The following ITPRID2 variants were observed in gnomAD, a reference collection of about 807,000 sequenced individuals.
ITPRID2 encodes the protein protein ITPRID2.
A neutral mutation model predicts 124.3 loss-of-function variants in ITPRID2; 60 were observed. The ratio of observed to expected loss-of-function variants is 0.48; its 90% CI spans 0.39 to 0.60. The LOEUF (loss-of-function observed/expected upper bound fraction) is 0.60, where lower values mean the gene tolerates loss of function less well. Ranked by LOEUF, ITPRID2 falls within the 20% of genes least tolerant of loss-of-function variation. ITPRID2 has a pLI of 0.00. For missense variants in ITPRID2, 1,553 were observed against 1,512.2 expected (o/e 1.03, Z -0.45); for synonymous variants, 521 against 542.9 (o/e 0.96, Z 0.56).
In ITPRID2 at chr2:181,915,658, G is replaced by T; in HGVS notation, c.2018G>T (p.Cys673Phe). ...TCATTGGCTTCTATTGAAGCTAAAT[G>T]CAGTGATATGAGCTCTGAAAATACA... Reference protein sequence around the residue: ...LKSLASIEAKCSDMSSENTTG... With the variant: ...LKSLASIEAKFSDMSSENTTG... The change falls in exon 11 of 18, where the codon TGC becomes TTC. Residue 673 changes from cysteine to phenylalanine, a missense_variant. By Grantham distance (205) the Cys-to-Phe change is radical (BLOSUM62 -2). Transcript: ENST00000431877. 1 of 1,614,216 alleles carries T rather than the reference G, an allele frequency of 6.2e-7. No individual in the cohort carries two copies. Among genetic ancestry groups the T allele is most frequent in the South Asian group, 1.1e-5 (1 of 91,088 alleles).
At position 181,896,189 on chromosome 2, in the gene ITPRID2, A is replaced by G; in HGVS notation, c.307+110A>G. The G allele has an allele frequency of 1.0e-6, 1 of 996,808 alleles. No homozygotes were observed. Among genetic ancestry groups the G allele is most frequent in the Non-Finnish European group, 1.5e-6 (1 of 650,632 alleles). The allele number at this position is 996,808 out of a possible 1,614,324, so 61.7% of individuals were successfully genotyped here. A position where few individuals can be genotyped will look rare whatever the true frequency, so the allele number is the denominator to read the frequency against. ...TAAAAGTGATATTCATGTTTATAGTATATGCTATTCTGAGCTAGAAGCAAA... is the reference window on the plus strand; with the variant it reads ...TAAAAGTGATATTCATGTTTATAGTGTATGCTATTCTGAGCTAGAAGCAAA... On this transcript the variant is annotated intron_variant, in intron 3 of 17. Coordinates refer to ENST00000431877, the MANE Select transcript of ITPRID2 (RefSeq NM_001130445.3). This position sits in a 1 kb window ranked among gnomAD's most constrained non-coding sequence, Gnocchi z 4.3.
At position 181,891,879 on chromosome 2, in the gene ITPRID2, G is replaced by GCCCCTTCCCT. The variant is rs1558970198; in HGVS notation, c.-179_-170dup. On this transcript the variant is annotated 5_prime_UTR_variant, in exon 1 of 18. Coordinates refer to ENST00000431877, the MANE Select transcript of ITPRID2 (RefSeq NM_001130445.3). ...CCTTCATGTGAAGCGCCGGCCCTCCGCCCCTTCCCTCCCCTTCCTTCCCTC... is the reference window on the plus strand; with the variant it reads ...CCTTCATGTGAAGCGCCGGCCCTCCGCCCCTTCCCTCCCCTTCCCTCCCCTTCCTTCCCTC... 8.5e-6 allele frequency: 3 copies of GCCCCTTCCCT among 351,388 alleles called. No individual in the cohort carries two copies. The highest frequency in any genetic ancestry group is 6.9e-5 in the African/African-American group (3 of 43,376). The allele number at this position is 351,388 out of a possible 1,614,324, so 21.8% of individuals were successfully genotyped here.
chr2:181,928,220 A>G lies in ITPRID2; in HGVS notation c.3735A>G (p.Ala1245=), dbSNP rs1358636928. ...AAATTGTAAGTGGACTTTTGGCAGC[A>G]GTATCTTCAAGTAAAGCGTCTAATT... The part of the protein sequence containing the change: ...RREIVSGLLA[A]VSSSKASNSK... Residue 1245 remains alanine, a synonymous_variant, in exon 17 of 18, where the codon GCA becomes GCG. Transcript: ENST00000431877. The G allele has an allele frequency of 5.2e-6, 8 of 1,550,978 alleles. No homozygotes were observed. Among genetic ancestry groups the G allele is most frequent in the Middle Eastern group, 1.7e-4 (1 of 6,010 alleles).
Position 181,892,999 on chromosome 2 carries a change from G to T in ITPRID2, c.257+339G>T. 1 of 394,228 alleles carries T rather than the reference G, an allele frequency of 2.5e-6. No homozygotes were observed. Among genetic ancestry groups the T allele is most frequent in the South Asian group, 4.1e-5 (1 of 24,294 alleles). 24.4% of individuals were successfully genotyped at this position (394,228 alleles called of 1,614,324 possible). On this transcript the variant is annotated intron_variant, in intron 2 of 17. Transcript: ENST00000431877. The surrounding 1 kb of genome is among the most constrained non-coding windows in gnomAD (Gnocchi z 5.2). ...CATCTCGAACAGGATATTTTGTTTTGCTTTAGTTTTGGCATCTGTACAACT... is the reference window on the plus strand; with the variant it reads ...CATCTCGAACAGGATATTTTGTTTTTCTTTAGTTTTGGCATCTGTACAACT...
intron 9 of ITPRID2, 77 bp from the exon 10 acceptor site, chr2:181,913,768 C>A: frequency 1.1e-6 from 1 of 945,310 alleles, no homozygotes; most frequent in Non-Finnish European, 1.6e-6. Context: ...AGTAATATTG[C>A]TCTCAGTAAT....
chr2:181,900,340 A>G (rs1468665839), intron 6 of ITPRID2, among the ~76,000 whole-genome samples: 1 of 152,188 alleles, frequency 6.6e-6, no homozygotes, highest in Non-Finnish European at 1.5e-5. Context: ...TAATCTGTTC[A>G]TTCCTTATTC....
At chr2:181,913,139 C>G (rs1574264343) in intron 9 of ITPRID2, among the ~76,000 whole-genome samples, 1 of 152,100 alleles carries the variant, frequency 6.6e-6, no homozygotes, top group Admixed American at 6.5e-5. Context: ...ACAATCTTGG[C>G]TCACTGCAAC....
intron 10 of ITPRID2, among the ~76,000 whole-genome samples, chr2:181,914,961 T>C (rs1266565659): frequency 6.6e-6 from 1 of 152,076 alleles, no homozygotes; most frequent in African/African-American, 2.4e-5. Flanking sequence ...GTGTGTTGTA[T>C]TGAAAGGAAA....
chr2:181,903,758 G>A (rs766621878), intron 8 of ITPRID2, among the ~76,000 whole-genome samples: 28 of 151,308 alleles, frequency 1.9e-4, no homozygotes, highest in African/African-American at 6.1e-4. Context: ...ATTTCTCATC[G>A]TAATGAGTAT....
chr2:181,915,631 A>G lies in ITPRID2; in HGVS notation c.1991A>G (p.Lys664Arg), dbSNP rs1003211867. The G allele has an allele frequency of 6.2e-7, 1 of 1,614,202 alleles. No homozygotes were observed. Among genetic ancestry groups the G allele is most frequent in the African/African-American group, 1.3e-5 (1 of 75,048 alleles). Residue 664 changes from lysine (K) to arginine (R), a missense_variant, in exon 11 of 18, where the codon AAA (lysine) becomes AGA (arginine). Coordinates refer to ENST00000431877, the MANE Select transcript of ITPRID2 (RefSeq NM_001130445.3). ...FTQYTTHHIL[K>R]SLASIEAKCS... ...CAGTATACCACACACCATATTCTGA[A>G]ATCATTGGCTTCTATTGAAGCTAAA... is the stretch of plus-strand genomic sequence containing the variant.
chr2:181,918,222 A>G (rs377512952), intron 11 of ITPRID2: 63 of 826,252 alleles, frequency 7.6e-5, no homozygotes, highest in Non-Finnish European at 9.0e-5. Flanking sequence ...AAAGACGACA[A>G]TGATTGCTTG....
At position 181,907,890 on chromosome 2, in the gene ITPRID2, T is replaced by C. The variant is rs1320366250; in HGVS notation, c.1414-2009T>C. 6.6e-6 allele frequency among the ~76,000 whole-genome samples: 1 copy of C among 152,222 alleles called. No individual in the cohort carries two copies. The highest frequency in any genetic ancestry group is 1.5e-5 in the Non-Finnish European group (1 of 68,038). On this transcript the variant is annotated intron_variant, in intron 8 of 17. Transcript: ENST00000431877. This position sits in a 1 kb window ranked among gnomAD's most constrained non-coding sequence, Gnocchi z 5.1. ...ATTAGTAAAATGTGACTGTCTCAGC[T>C]TTTTGAAGTGCTCCTTTCTTGCACT...
chr2:181,895,937 A>G (rs1692161423), intron 2 of ITPRID2, 93 bp from the exon 3 acceptor site: 1 of 1,006,080 alleles, frequency 9.9e-7, no homozygotes, highest in South Asian at 1.4e-5. Context: ...TTAGAAGCTT[A>G]TTGAGCTGTA....
chr2:181,920,044 T>G (rs1212076232), intron 14 of ITPRID2, among the ~76,000 whole-genome samples: 1 of 152,174 alleles, frequency 6.6e-6, no homozygotes, highest in Non-Finnish European at 1.5e-5. Context: ...TTCCATAACA[T>G]TTGAACTTCA....
At chr2:181,912,250 A>G (rs1270246858) in intron 9 of ITPRID2, among the ~76,000 whole-genome samples, 1 of 152,248 alleles carries the variant, frequency 6.6e-6, no homozygotes, top group Non-Finnish European at 1.5e-5. Context: ...TTCTGCCTTC[A>G]AAAGGCTCAC....
Position 181,892,321 on chromosome 2 carries a change from G to C in ITPRID2, c.211+44G>C. The C allele has an allele frequency of 6.6e-7, 1 of 1,507,082 alleles. No homozygotes were observed. Among genetic ancestry groups the C allele is most frequent in the Non-Finnish European group, 8.9e-7 (1 of 1,126,812 alleles). 93.4% of individuals were successfully genotyped at this position (1,507,082 alleles called of 1,614,324 possible). A position where few individuals can be genotyped will look rare whatever the true frequency, so the allele number is the denominator to read the frequency against. On this transcript the variant is annotated intron_variant, in intron 1 of 17. Transcript: ENST00000431877. The surrounding 1 kb of genome is among the most constrained non-coding windows in gnomAD (Gnocchi z 5.2). ...GCTCCGGGGGGAGGCTGGTGGGCTG[G>C]GGAGAGTCTCGTGCGCCCTGGGCGC...
At chr2:181,909,342 C>A (rs192948555) in intron 8 of ITPRID2, among the ~76,000 whole-genome samples, 1 of 152,216 alleles carries the variant, frequency 6.6e-6, no homozygotes, top group East Asian at 1.9e-4. Context: ...GCACTGTGTT[C>A]TATTTTCAAA....
intron 16 of ITPRID2, 129 bp from the exon 17 acceptor site, chr2:181,928,032 G>A: frequency 1.6e-6 from 1 of 625,622 alleles, no homozygotes. Flanking sequence ...CTCCCTCTCT[G>A]TATTGCAGGG....
Position 181,915,937 on chromosome 2 carries a change from G to T in ITPRID2, c.2297G>T (p.Cys766Phe), listed in dbSNP as rs199498059. The T allele has an allele frequency of 1.2e-6, 2 of 1,614,202 alleles. No individual in the cohort carries two copies. The highest frequency in any genetic ancestry group is 4.5e-5 in the East Asian group (2 of 44,884). Residue 766 changes from cysteine to phenylalanine, a missense_variant, in exon 11 of 18, where the codon TGC becomes TTC. Cys to Phe is a radical substitution (Grantham distance 205). Coordinates refer to ENST00000431877, the MANE Select transcript of ITPRID2 (RefSeq NM_001130445.3). ...VRLSPGKETR[C>F]SPPSFTYKYT... The stretch of plus-strand genomic sequence containing the variant: ...TTATCTCCAGGAAAAGAGACCAGAT[G>T]CAGCCCACCTTCCTTCACCTATAAG...
Sources: gnomAD v4.1 joint callset for allele counts (sites outside exome capture counted in the v4.1 genomes callset) on GRCh38, gnomAD v4.1.1 for gene constraint, Gnocchi (gnomAD v3.1) non-coding constraint, MANE v1.5 for transcripts, NCBI Gene and HGNC (gene_info 2026-07-23, HGNC 2026-07-21) for gene names.